METTL15: variants seen among roughly 807,000 people sequenced by gnomAD.
The protein encoded by METTL15 is 12S rRNA N(4)-cytidine methyltransferase METTL15.
Under a neutral mutation model 38.3 loss-of-function variants are expected in METTL15, and 34 were observed. The ratio of observed to expected loss-of-function variants is 0.89; its 90% confidence interval spans 0.68 to 1.18. The LOEUF (loss-of-function observed/expected upper bound fraction) is 1.18, where lower values mean the gene tolerates loss of function less well. METTL15 is among the 50% of genes most tolerant of loss of function. METTL15 has a pLI of 0.00. For synonymous variants in METTL15, 162 were observed against 170.9 expected (o/e 0.95, Z 0.41); for missense variants, 438 against 498.4 (o/e 0.88, Z 1.15).
intron 3 of METTL15, among the ~76,000 whole-genome samples, chr11:28,169,533 G>A (rs2133759272): frequency 6.6e-6 from 1 of 152,278 alleles, no homozygotes; most frequent in African/African-American, 2.4e-5. Flanking sequence ...ATTACTGGCT[G>A]TGGAATCACA....
chr11:28,416,954 A>C (rs12276782), intron 5 of METTL15, among the ~76,000 whole-genome samples: 2,687 of 152,328 alleles, frequency 0.018, 50 homozygotes, highest in African/African-American at 0.051. Flanking sequence ...TTTGGAAAGA[A>C]TCATTTATTG....
At chr11:28,515,880 T>C (rs1255683749) in intron 6 of METTL15, among the ~76,000 whole-genome samples, 4 of 152,208 alleles carry the variant, frequency 2.6e-5, no homozygotes, top group Admixed American at 2.6e-4. Context: ...CTGGAAAGTC[T>C]CTAAGTCAGT....
intron 3 of METTL15, among the ~76,000 whole-genome samples, chr11:28,190,295 TA>T (rs1268368125): frequency 6.6e-6 from 1 of 151,248 alleles, no homozygotes; most frequent in Non-Finnish European, 1.5e-5. Context: ...TTTTTATAAA[TA>T]ATGAATAGAG....
At chr11:28,448,690 C>T (rs1851094812) in intron 6 of METTL15, among the ~76,000 whole-genome samples, 1 of 152,088 alleles carries the variant, frequency 6.6e-6, no homozygotes, top group African/African-American at 2.4e-5. Flanking sequence ...AGAATATTTT[C>T]TTCCTCAGTA....
At chr11:28,292,324 T>C (rs1163072258) in intron 5 of METTL15, among the ~76,000 whole-genome samples, 1 of 151,136 alleles carries the variant, frequency 6.6e-6, no homozygotes, top group Non-Finnish European at 1.5e-5. Context: ...TTTTTTGTCC[T>C]TGCTATAGTT....
intron 6 of METTL15, among the ~76,000 whole-genome samples, chr11:28,463,228 A>T (rs1256030030): frequency 6.6e-6 from 1 of 152,162 alleles, no homozygotes; most frequent in African/African-American, 2.4e-5. Flanking sequence ...ACATATGGTA[A>T]TCCATACATG....
chr11:28,259,321 A>G (rs1013016746), intron 4 of METTL15, among the ~76,000 whole-genome samples: 17 of 151,930 alleles, frequency 1.1e-4, no homozygotes, highest in Admixed American at 9.8e-4. Context: ...CTTTAGAGTC[A>G]TGAGGTGTGT....
chr11:28,172,185 CAA>C (rs1270995778), intron 3 of METTL15, among the ~76,000 whole-genome samples: 2 of 151,914 alleles, frequency 1.3e-5, no homozygotes, highest in Non-Finnish European at 2.9e-5. Flanking sequence ...TCTTTCAAAA[CAA>C]GACAAAATAT....
intron 3 of METTL15, among the ~76,000 whole-genome samples, chr11:28,114,381 G>C (rs551791967): frequency 6.6e-6 from 1 of 152,278 alleles, no homozygotes; most frequent in East Asian, 1.9e-4. Flanking sequence ...TTAACCAAAT[G>C]ATGAGCATTT....
chr11:28,182,402 A>C (rs1590119950), intron 3 of METTL15, among the ~76,000 whole-genome samples: 1 of 151,866 alleles, frequency 6.6e-6, no homozygotes, highest in South Asian at 2.1e-4. Flanking sequence ...TTATGTTTAA[A>C]TCTTTAATCC....
At chr11:28,478,861 T>C (rs1851370013) in intron 6 of METTL15, among the ~76,000 whole-genome samples, 1 of 152,178 alleles carries the variant, frequency 6.6e-6, no homozygotes, top group Non-Finnish European at 1.5e-5. Flanking sequence ...TGATGTTTTT[T>C]TGACTTGTAA....
rs1046882367 is a variant in METTL15 at position 28,108,410 on chromosome 11, T to G, written c.-296T>G. ...GGCAGCCACTTGAGATCACCAGGCC[T>G]CCTGTAGACCGGCGGGTGCAGGGCC... On this transcript the variant is annotated 5_prime_UTR_variant, in exon 1 of 7. Coordinates refer to ENST00000407364, the MANE Select transcript of METTL15 (RefSeq NM_001113528.2). The G allele has an allele frequency of 6.6e-6, 1 of 152,390 alleles. No individual in the cohort carries two copies. Among genetic ancestry groups the G allele is most frequent in the Non-Finnish European group, 1.5e-5 (1 of 68,208 alleles). 9.4% of individuals were successfully genotyped at this position (152,390 alleles called of 1,614,324 possible).
At chr11:28,311,364 A>G (rs574769099) in intron 6 of METTL15, among the ~76,000 whole-genome samples, 2 of 152,192 alleles carry the variant, frequency 1.3e-5, no homozygotes, top group Non-Finnish European at 2.9e-5. Flanking sequence ...TTCAGTTCAT[A>G]TATTATTACT....
chr11:28,465,105 A>G (rs1354738270), intron 6 of METTL15, among the ~76,000 whole-genome samples: 2 of 152,058 alleles, frequency 1.3e-5, no homozygotes, highest in Admixed American at 6.6e-5. Flanking sequence ...GTGCTTGCCA[A>G]TTTCCCCTTG....
At position 28,219,052 on chromosome 11, in the gene METTL15, A is replaced by G. The variant is rs541862195; in HGVS notation, c.407+7854A>G. ...TGTTGTGTCTCTGCCCGGCTTTGGT[A>G]TCAGGATGATGCTGGCCTCATAAAA... On this transcript the variant is annotated intron_variant, in intron 4 of 6. Transcript: ENST00000407364. Among the ~76,000 whole-genome samples, 8 of 152,282 alleles carry G rather than the reference A, an allele frequency of 5.3e-5. No individual in the cohort carries two copies. The South Asian group carries it at 6.2e-4, about 12-fold the overall frequency.
chr11:28,200,386 A>G (rs1032922412), intron 3 of METTL15, among the ~76,000 whole-genome samples: 7 of 152,170 alleles, frequency 4.6e-5, no homozygotes, highest in African/African-American at 9.6e-5. Context: ...TTTTATGCCT[A>G]TGTATAAAAT....
chr11:28,429,626 C>T (rs1267766110), intron 6 of METTL15, among the ~76,000 whole-genome samples: 81 of 62,160 alleles, frequency 1.3e-3, no homozygotes, highest in African/African-American at 5.1e-3. Flanking sequence ...CCCGAGGTGC[C>T]GGGATTGCAG....
At chr11:28,341,458 G>T (rs1324009498) in intron 3 of METTL15, among the ~76,000 whole-genome samples, 1 of 152,056 alleles carries the variant, frequency 6.6e-6, no homozygotes, top group Non-Finnish European at 1.5e-5. Flanking sequence ...TAAAATGTTT[G>T]TAATGAATGT....
At chr11:28,513,072 G>A (rs1851689526) in intron 6 of METTL15, among the ~76,000 whole-genome samples, 1 of 134,122 alleles carries the variant, frequency 7.5e-6, no homozygotes, top group African/African-American at 2.9e-5. Flanking sequence ...TTTTTCAAGG[G>A]TCAACTGTAC....
Sources: gnomAD v4.1 joint callset for allele counts (sites outside exome capture counted in the v4.1 genomes callset) on GRCh38, gnomAD v4.1.1 for gene constraint, MANE v1.5 for transcripts, NCBI Gene and HGNC (gene_info 2026-07-23, HGNC 2026-07-21) for gene names.